The following MEIS2 variants were observed in gnomAD, a reference collection of about 807,000 sequenced individuals.
MEIS2 encodes Meis homeobox 2.
MEIS2 carries 9 observed loss-of-function variants against 58.6 expected under a neutral mutation model. The observed-to-expected ratio is 0.15, with a 90% CI of 0.09 to 0.27. The LOEUF (loss-of-function observed/expected upper bound fraction) is 0.27, where lower values mean the gene tolerates loss of function less well. Among genes scored for constraint, MEIS2 ranks in the 10% least tolerant of loss-of-function variants. The pLI, the probability that MEIS2 is intolerant of heterozygous loss-of-function variation, is 1.00. For missense variants in MEIS2, 427 were observed against 635.0 expected (o/e 0.67, Z 3.52); for synonymous variants, 221 against 228.4 (o/e 0.97, Z 0.29).
intron 8 of MEIS2, among the ~76,000 whole-genome samples, chr15:37,000,556 C>T (rs929609989): frequency 1.3e-5 from 2 of 152,056 alleles, no homozygotes; most frequent in Non-Finnish European, 1.5e-5. Context: ...TCAAAATGAG[C>T]TTCCCCTTTT....
chr15:36,991,864 T>A (rs1041442706), intron 8 of MEIS2, among the ~76,000 whole-genome samples: 3 of 122,620 alleles, frequency 2.4e-5, no homozygotes, highest in Non-Finnish European at 4.9e-5. Context: ...CTCGGCTCAC[T>A]GCAAGCTCCG....
intron 8 of MEIS2, among the ~76,000 whole-genome samples, chr15:36,991,989 G>C (rs1476465271): frequency 6.7e-6 from 1 of 150,372 alleles, no homozygotes; most frequent in Non-Finnish European, 1.5e-5. Flanking sequence ...GGGTTTCACC[G>C]TTTTAGCCAG....
At position 36,961,950 on chromosome 15, in the gene MEIS2, C is replaced by T. The variant is rs141728935; in HGVS notation, c.901-11550G>A. Among the ~76,000 whole-genome samples the T allele has an allele frequency of 1.6e-4, 25 of 151,876 alleles. No individual in the cohort carries two copies. The East Asian group carries it at 4.4e-3, about 27-fold the overall frequency. ...TTAGAAATAAATAATTCTGTATTTG[C>T]AAAAAAATATTTCTTACAAGGATTT... On this transcript the variant is annotated intron_variant, in intron 8 of 11. Coordinates refer to ENST00000561208, the MANE Select transcript of MEIS2 (RefSeq NM_170675.5).
intron 7 of MEIS2, among the ~76,000 whole-genome samples, chr15:37,059,309 A>G (rs1342021291): frequency 6.6e-6 from 1 of 152,220 alleles, no homozygotes; most frequent in Non-Finnish European, 1.5e-5. Context: ...ATTTATTTCT[A>G]GAAGGGAGTC....
intron 9 of MEIS2, among the ~76,000 whole-genome samples, chr15:36,930,219 A>AAAAG (rs1299486106): frequency 6.8e-6 from 1 of 148,134 alleles, no homozygotes; most frequent in Admixed American, 7.4e-5. Context: ...AAAAAAAAAA[A>AAAAG]AGAGAGAGAG....
intron 8 of MEIS2, among the ~76,000 whole-genome samples, chr15:36,994,352 T>G (rs930920683): frequency 3.3e-5 from 5 of 152,170 alleles, no homozygotes; most frequent in Non-Finnish European, 7.4e-5. Flanking sequence ...CTTAAGGAAT[T>G]TTCTTTTCAA....
At chr15:36,917,683 G>A (rs949883445) in intron 9 of MEIS2, among the ~76,000 whole-genome samples, 2 of 152,140 alleles carry the variant, frequency 1.3e-5, no homozygotes, top group African/African-American at 4.8e-5. Context: ...GGAAACACCT[G>A]GGTAAAATGT....
rs190923733 is a variant in MEIS2 at position 36,984,769 on chromosome 15, G to A, written c.901-34369C>T. Among the ~76,000 whole-genome samples the A allele has an allele frequency of 9.2e-5, 14 of 152,100 alleles. No individual in the cohort carries two copies. In the South Asian group the frequency reaches 1.0e-3, roughly 11 times the overall value. On this transcript the variant is annotated intron_variant, in intron 8 of 11. Transcript: ENST00000561208. ...TAATGACTGATTCAATCTCCTTACC[G>A]GTTATTTGTCTGTTCAGGTTTTCTA...
intron 9 of MEIS2, among the ~76,000 whole-genome samples, chr15:36,948,796 G>A (rs921398504): frequency 3.3e-5 from 5 of 151,942 alleles, no homozygotes; most frequent in Non-Finnish European, 7.4e-5. Flanking sequence ...TTTACACTAT[G>A]AAGCGCCTAT....
chr15:37,087,211 AC>A (rs1358769350), intron 6 of MEIS2, among the ~76,000 whole-genome samples: 3 of 152,096 alleles, frequency 2.0e-5, no homozygotes, highest in East Asian at 1.9e-4. Context: ...TCATGAAGAC[AC>A]CCGAGGGCAA....
chr15:36,989,278 T>C (rs1424548326), intron 8 of MEIS2, among the ~76,000 whole-genome samples: 1 of 152,214 alleles, frequency 6.6e-6, no homozygotes. Context: ...ATGGTTTTCC[T>C]GTAAATTTTC....
At chr15:36,932,495 T>A (rs1178549210) in intron 9 of MEIS2, among the ~76,000 whole-genome samples, 1 of 152,044 alleles carries the variant, frequency 6.6e-6, no homozygotes, top group Non-Finnish European at 1.5e-5. Context: ...TGAGGAATAG[T>A]GATTATGGTC....
chr15:36,994,952 C>T (rs1438003216), intron 8 of MEIS2, among the ~76,000 whole-genome samples: 4 of 152,228 alleles, frequency 2.6e-5, no homozygotes, highest in African/African-American at 9.6e-5. Context: ...TCAGACCTCA[C>T]ATAGCTCACA....
At chr15:37,041,248 T>C (rs2062411876) in intron 7 of MEIS2, among the ~76,000 whole-genome samples, 1 of 152,222 alleles carries the variant, frequency 6.6e-6, no homozygotes, top group Non-Finnish European at 1.5e-5. Context: ...CTACTGAATC[T>C]GAAACTCTAG....
intron 7 of MEIS2, among the ~76,000 whole-genome samples, chr15:37,052,296 G>T (rs2062954773): frequency 6.6e-6 from 1 of 152,198 alleles, no homozygotes; most frequent in Non-Finnish European, 1.5e-5. Context: ...TCTACTACAT[G>T]CCAGTTTCAG....
chr15:36,926,371 A>G (rs1326974811), intron 9 of MEIS2, among the ~76,000 whole-genome samples: 1 of 152,210 alleles, frequency 6.6e-6, no homozygotes, highest in African/African-American at 2.4e-5. Context: ...GAATCCTTAC[A>G]ATTTCTCTCT....
chr15:36,966,264 G>C (rs563087331), intron 8 of MEIS2, among the ~76,000 whole-genome samples: 1 of 152,302 alleles, frequency 6.6e-6, no homozygotes, highest in South Asian at 2.1e-4. Flanking sequence ...TTTAGGGGGA[G>C]AAGGGGGAAG....
chr15:36,916,153 C>T (rs758704729), intron 9 of MEIS2, among the ~76,000 whole-genome samples: 23 of 150,920 alleles, frequency 1.5e-4, no homozygotes, highest in Non-Finnish European at 3.0e-4. Flanking sequence ...TCAGGCTGGG[C>T]GCAGTGGCTC....
intron 6 of MEIS2, among the ~76,000 whole-genome samples, chr15:37,090,644 A>G (rs1278061039): frequency 6.6e-6 from 1 of 151,918 alleles, no homozygotes; most frequent in Non-Finnish European, 1.5e-5. Context: ...CTCTCCTTGC[A>G]TGTTCCTTCC....
Sources: gnomAD v4.1 joint callset for allele counts (sites outside exome capture counted in the v4.1 genomes callset) on GRCh38, gnomAD v4.1.1 for gene constraint, MANE v1.5 for transcripts, NCBI Gene and HGNC (gene_info 2026-07-23, HGNC 2026-07-21) for gene names.